NVL: variants seen among roughly 807,000 people sequenced by gnomAD.
NVL encodes the protein nuclear VCP like.
NVL carries 84 observed loss-of-function variants against 110.2 expected under a neutral mutation model. The observed-to-expected ratio is 0.76, with a 90% CI of 0.64 to 0.91. The LOEUF (loss-of-function observed/expected upper bound fraction) is 0.91, where lower values mean the gene tolerates loss of function less well. Ranked by LOEUF, NVL falls within the 40% of genes least tolerant of loss-of-function variation. NVL has a pLI of 0.00. For synonymous variants in NVL, 354 were observed against 361.1 expected (o/e 0.98, Z 0.22); for missense variants, 882 against 1,035.9 (o/e 0.85, Z 2.04).
At chr1:224,255,182 G>GTTTTTTTTTTTT (rs34120278) in intron 18 of NVL, among the ~76,000 whole-genome samples, 1 of 96,714 alleles carries the variant, frequency 1.0e-5, no homozygotes, top group African/African-American at 4.2e-5. Flanking sequence ...AATGGTGTAG[G>GTTTTTTTTTTTT]TTTTTTTTTT....
intron 12 of NVL, among the ~76,000 whole-genome samples, chr1:224,293,070 ATTTT>A (rs1157220455): frequency 8.0e-6 from 1 of 125,126 alleles, no homozygotes. Flanking sequence ...TTTCAGAACA[ATTTT>A]TTTTTTTTTT....
At chr1:224,264,132 G>T (rs1664253404) in intron 18 of NVL, among the ~76,000 whole-genome samples, 1 of 152,126 alleles carries the variant, frequency 6.6e-6, no homozygotes, top group Non-Finnish European at 1.5e-5. Flanking sequence ...TGTGGAAATG[G>T]ATTCTCTGGT....
chr1:224,237,331 T>C (rs1660600130), intron 19 of NVL, among the ~76,000 whole-genome samples: 1 of 152,198 alleles, frequency 6.6e-6, no homozygotes, highest in South Asian at 2.1e-4. Flanking sequence ...CAAAGCACTC[T>C]AAGCTCAGTA....
At chr1:224,277,553 C>T (rs1288896088) in intron 16 of NVL, among the ~76,000 whole-genome samples, 1 of 151,978 alleles carries the variant, frequency 6.6e-6, no homozygotes, top group Non-Finnish European at 1.5e-5. Flanking sequence ...AAAGTTTCAA[C>T]GAGGACATAT....
chr1:224,264,244 A>ATTT (rs761611227), intron 18 of NVL, among the ~76,000 whole-genome samples: 1 of 139,760 alleles, frequency 7.2e-6, no homozygotes, highest in Non-Finnish European at 1.6e-5. Context: ...AAAAATGGTG[A>ATTT]TTTTTTTTTT....
intron 13 of NVL, among the ~76,000 whole-genome samples, chr1:224,288,956 T>C (rs1181950435): frequency 2.0e-5 from 3 of 152,214 alleles, no homozygotes; most frequent in Non-Finnish European, 4.4e-5. Context: ...CCGACATGGA[T>C]ATAGTTGTGT....
intron 1 of NVL, among the ~76,000 whole-genome samples, chr1:224,327,838 G>A (rs1671285913): frequency 6.6e-6 from 1 of 151,508 alleles, no homozygotes; most frequent in South Asian, 2.1e-4. Flanking sequence ...GGAGCAAGTT[G>A]TGGGACGCGG....
At chr1:224,250,357 TTTTATTTTTA>T in intron 18 of NVL, 39 bp from the exon 19 acceptor site, 1 of 1,466,332 alleles carries the variant, frequency 6.8e-7, no homozygotes, top group Non-Finnish European at 9.1e-7. Context: ...AAATAAAACC[TTTTATTTTTA>T]TTTTTTTATT....
chr1:224,295,960 C>CAAAAAAAA (rs942085228), intron 11 of NVL, among the ~76,000 whole-genome samples: 1 of 41,842 alleles, frequency 2.4e-5, no homozygotes, highest in Non-Finnish European at 4.7e-5. Context: ...GACTCTGTCT[C>CAAAAAAAA]AAAAAAAAAA....
intron 15 of NVL, among the ~76,000 whole-genome samples, chr1:224,284,806 C>T (rs1666700159): frequency 6.6e-6 from 1 of 152,154 alleles, no homozygotes; most frequent in South Asian, 2.1e-4. Context: ...AAAATTGATT[C>T]TCATACCCTA....
In NVL at chr1:224,289,541, CA is replaced by C. The variant is rs746546575; in HGVS notation, c.1517del (p.Leu506CysfsTer30). The C allele has an allele frequency of 4.3e-6, 7 of 1,614,230 alleles. No homozygotes were observed. The East Asian group carries it at 1.6e-4, about 36-fold the overall frequency. Reference sequence around the variant, plus strand: ...TTTCCTCCTGGACTCCTTTAGATGGCAAATCTTCCATTTCAGGATTTTTCTT... The same window carrying C: ...TTTCCTCCTGGACTCCTTTAGATGGCAATCTTCCATTTCAGGATTTTTCTT... Reference protein sequence around the residue: ...QQKKNPEMEDLPSKGVQEERL... With the variant: ...QQKKNPEMEDXPSKGVQEERL... On this transcript the variant is annotated frameshift_variant, in exon 13 of 23. Coordinates refer to ENST00000281701, the MANE Select transcript of NVL (RefSeq NM_002533.4). LOFTEE classifies it high-confidence loss of function.
At chr1:224,275,834 C>T (rs557193013) in intron 16 of NVL, among the ~76,000 whole-genome samples, 2 of 152,272 alleles carry the variant, frequency 1.3e-5, no homozygotes, top group South Asian at 2.1e-4. Context: ...ATTAATTCAA[C>T]AGTATTTTAC....
chr1:224,310,324 T>C (rs924871050), intron 5 of NVL, among the ~76,000 whole-genome samples: 4 of 152,258 alleles, frequency 2.6e-5, no homozygotes, highest in Admixed American at 6.5e-5. Flanking sequence ...TGCCATTTTA[T>C]GTAAGGGACT....
intron 2 of NVL, 62 bp from the exon 3 acceptor site, chr1:224,317,992 C>A (rs1342271796): frequency 9.9e-6 from 11 of 1,113,308 alleles, no homozygotes; most frequent in South Asian, 1.4e-5. Context: ...CCATTAAGTT[C>A]AATCTAAATG....
rs113649048 is a variant in NVL at position 224,309,980 on chromosome 1, G to C, written c.343-1717C>G. 8.4e-3 allele frequency among the ~76,000 whole-genome samples: 1,275 copies of C among 152,118 alleles called. 11 individuals carry two copies. The highest frequency in any genetic ancestry group is 0.013 in the Non-Finnish European group (879 of 67,982). On this transcript the variant is annotated intron_variant, in intron 5 of 22. Coordinates refer to ENST00000281701, the MANE Select transcript of NVL (RefSeq NM_002533.4). ...GGAGGCAGAGGTTGCAGTGAGCCGA[G>C]ATGACACCACTGAACTCCAGCCTGG... is the stretch of plus-strand genomic sequence containing the variant.
At chr1:224,259,656 TTTTG>T (rs1379831332) in intron 18 of NVL, among the ~76,000 whole-genome samples, 5 of 151,878 alleles carry the variant, frequency 3.3e-5, no homozygotes, top group South Asian at 4.2e-4. Context: ...GAATGATGTT[TTTTG>T]TTTGTTTGTT....
intron 15 of NVL, among the ~76,000 whole-genome samples, chr1:224,284,082 T>A (rs183128135): frequency 1.3e-5 from 2 of 152,144 alleles, no homozygotes; most frequent in African/African-American, 4.8e-5. Context: ...CTAAAAATGA[T>A]GGATAACATA....
intron 6 of NVL, among the ~76,000 whole-genome samples, chr1:224,306,243 T>C (rs1489196973): frequency 6.6e-6 from 1 of 152,068 alleles, no homozygotes; most frequent in East Asian, 1.9e-4. Flanking sequence ...GCCTGGGTGA[T>C]GTAGCAATAT....
At chr1:224,273,211 G>C (rs747144579) in intron 17 of NVL, among the ~76,000 whole-genome samples, 4 of 152,002 alleles carry the variant, frequency 2.6e-5, no homozygotes, top group African/African-American at 4.8e-5. Context: ...CCAAGAGTTC[G>C]AGACCAGCCC....
Sources: allele counts gnomAD v4.1 joint callset (sites outside exome capture counted in the v4.1 genomes callset), GRCh38; gene constraint gnomAD v4.1.1; transcripts MANE v1.5; gene names NCBI Gene and HGNC (gene_info 2026-07-23, HGNC 2026-07-21).